The following GABRB3 variants were observed in gnomAD, a reference collection of about 807,000 sequenced individuals.
The protein encoded by GABRB3 is gamma-aminobutyric acid type A receptor subunit beta3.
In GABRB3, 14 loss-of-function variants were observed where a neutral mutation model predicts 52.1. The ratio of observed to expected loss-of-function variants is 0.27; its 90% confidence interval spans 0.18 to 0.42. GABRB3 has a LOEUF of 0.42. Among genes scored for constraint, GABRB3 ranks in the 10% least tolerant of loss-of-function variants. The probability of loss-of-function intolerance (pLI) is 1.00; values close to 1 mark genes in which losing one functional copy is unlikely to be tolerated. For missense variants in GABRB3, 307 were observed against 609.1 expected (o/e 0.50, Z 5.22); for synonymous variants, 260 against 232.3 (o/e 1.12, Z -1.08).
At position 26,772,743 on chromosome 15, in the gene GABRB3, A is replaced by G; in HGVS notation, c.110T>C (p.Val37Ala). The change falls in exon 2 of 9, where the codon GTG becomes GCG. Residue 37 changes from valine (V) to alanine (A), a missense_variant. Val to Ala is a moderately conservative substitution (Grantham distance 64). Coordinates refer to ENST00000311550, the MANE Select transcript of GABRB3 (RefSeq NM_000814.6). ...SVNDPGNMSFVKETVDKLLKG... is the reference protein window; with the variant it reads ...SVNDPGNMSFAKETVDKLLKG... ...CAACAGCTTGTCCACCGTCTCCTTC[A>G]CAAAGGACATGTTCCCGGGATCGTT... 3 of 1,572,474 alleles carry G rather than the reference A, an allele frequency of 1.9e-6. No homozygotes were observed. Among genetic ancestry groups the G allele is most frequent in the Non-Finnish European group, 2.6e-6 (3 of 1,158,704 alleles).
chr15:26,688,639 T>C (rs111793310), intron 3 of GABRB3, among the ~76,000 whole-genome samples: 3 of 152,202 alleles, frequency 2.0e-5, no homozygotes, highest in Non-Finnish European at 2.9e-5. Flanking sequence ...TATGTCCATC[T>C]GGAGTTCAAC....
At chr15:26,772,611 G>T (rs1295074673) in intron 2 of GABRB3, 70 bp downstream of exon 2, 2 of 1,435,638 alleles carry the variant, frequency 1.4e-6, no homozygotes, top group African/African-American at 1.5e-5. Flanking sequence ...TGCGGCCCCC[G>T]CCTCCCTCCG....
At chr15:26,633,145 C>T (rs1027124952) in intron 3 of GABRB3, among the ~76,000 whole-genome samples, 1 of 152,198 alleles carries the variant, frequency 6.6e-6, no homozygotes, top group Non-Finnish European at 1.5e-5. Context: ...CAAGTTTCAT[C>T]GTCTACTCAA....
chr15:26,745,173 G>A (rs895394932), intron 3 of GABRB3, among the ~76,000 whole-genome samples: 2 of 152,130 alleles, frequency 1.3e-5, no homozygotes, highest in Non-Finnish European at 2.9e-5. Context: ...GAGGGAATTC[G>A]TCCCCATGAC....
At chr15:26,676,643 T>C (rs2140640541) in intron 3 of GABRB3, among the ~76,000 whole-genome samples, 1 of 152,330 alleles carries the variant, frequency 6.6e-6, no homozygotes, top group African/African-American at 2.4e-5. Context: ...ATCTTAGATT[T>C]CAGTTTCTTA....
At chr15:26,661,486 G>A (rs1369817911) in intron 3 of GABRB3, among the ~76,000 whole-genome samples, 2 of 152,000 alleles carry the variant, frequency 1.3e-5, no homozygotes, top group Non-Finnish European at 2.9e-5. Context: ...ATGTCTACAC[G>A]AGGCATCCCT....
chr15:26,667,235 A>G (rs775385588), intron 3 of GABRB3, among the ~76,000 whole-genome samples: 5 of 152,222 alleles, frequency 3.3e-5, no homozygotes, highest in African/African-American at 9.6e-5. Context: ...AAAGTCTCCA[A>G]TGCCAGAGCC....
chr15:26,731,596 CAGG>C (rs1385730891), intron 3 of GABRB3, among the ~76,000 whole-genome samples: 1 of 152,100 alleles, frequency 6.6e-6, no homozygotes, highest in African/African-American at 2.4e-5. Flanking sequence ...TCAGCTCAAC[CAGG>C]AGATTAGAGT....
At chr15:26,570,386 C>A (rs553259515) in intron 6 of GABRB3, among the ~76,000 whole-genome samples, 1 of 152,220 alleles carries the variant, frequency 6.6e-6, no homozygotes, top group African/African-American at 2.4e-5. Context: ...GCACCATGCA[C>A]GGGGGCCAGA....
At chr15:26,563,687 A>G (rs1378845720) in intron 7 of GABRB3, among the ~76,000 whole-genome samples, 1 of 152,178 alleles carries the variant, frequency 6.6e-6, no homozygotes, top group African/African-American at 2.4e-5. Flanking sequence ...CAGAAAAATC[A>G]TTCTTCGGTA....
intron 6 of GABRB3, among the ~76,000 whole-genome samples, chr15:26,568,871 T>C (rs1567114780): frequency 6.6e-6 from 1 of 152,070 alleles, no homozygotes; most frequent in East Asian, 1.9e-4. Context: ...TTTGTTTCAA[T>C]AGGCCACTTT....
At chr15:26,643,926 G>A (rs1330216209) in intron 3 of GABRB3, among the ~76,000 whole-genome samples, 1 of 152,160 alleles carries the variant, frequency 6.6e-6, no homozygotes, top group African/African-American at 2.4e-5. Flanking sequence ...GTCTGCCTTA[G>A]TGGGGCTTCG....
In GABRB3 at chr15:26,719,367, G is replaced by A. The variant is rs915275051; in HGVS notation, c.240+53035C>T. The stretch of plus-strand genomic sequence containing the variant: ...GGTTGGCACCCTCTACAAATGGAAT[G>A]TGCTTGGTTTCAATTTCACACTTCA... On this transcript the variant is annotated intron_variant, in intron 3 of 8. Coordinates refer to ENST00000311550, the MANE Select transcript of GABRB3 (RefSeq NM_000814.6). Among the ~76,000 whole-genome samples the A allele has an allele frequency of 3.9e-5, 6 of 152,338 alleles. No individual in the cohort carries two copies. The East Asian group carries it at 9.6e-4, about 24-fold the overall frequency.
chr15:26,687,575 C>T (rs1407281561), intron 3 of GABRB3, among the ~76,000 whole-genome samples: 1 of 152,078 alleles, frequency 6.6e-6, no homozygotes, highest in Non-Finnish European at 1.5e-5. Flanking sequence ...TTCCCTCTCT[C>T]CCTTCCTTCC....
chr15:26,555,325 C>G (rs1889712093), intron 8 of GABRB3, among the ~76,000 whole-genome samples: 1 of 152,114 alleles, frequency 6.6e-6, no homozygotes. Context: ...AATGGGTCAT[C>G]ATGTAGGTGG....
intron 3 of GABRB3, among the ~76,000 whole-genome samples, chr15:26,642,190 C>T (rs1184403011): frequency 6.6e-6 from 1 of 152,272 alleles, no homozygotes; most frequent in Admixed American, 6.5e-5. Context: ...ACCAAGCCTT[C>T]CCCCCAGATT....
intron 8 of GABRB3, among the ~76,000 whole-genome samples, chr15:26,548,348 G>GT (rs1889338078): frequency 6.6e-6 from 1 of 152,178 alleles, no homozygotes; most frequent in African/African-American, 2.4e-5. Context: ...AAATGCTCAT[G>GT]TAAGAGATTA....
rs143592241 is a variant in GABRB3 at position 26,769,076 on chromosome 15, A to G, written c.240+3326T>C. 2.0e-3 allele frequency among the ~76,000 whole-genome samples: 303 copies of G among 152,340 alleles called. 1 individual carries two copies. Among genetic ancestry groups the G allele is most frequent in the African/African-American group, 6.4e-3 (266 of 41,588 alleles). On this transcript the variant is annotated intron_variant, in intron 3 of 8. Coordinates refer to ENST00000311550, the MANE Select transcript of GABRB3 (RefSeq NM_000814.6). ...CAGGCTACCAGTAGATAAGGACTGG[A>G]GTCTACAATTGTTTAAAGCAAAAAG... is the stretch of plus-strand genomic sequence containing the variant.
intron 3 of GABRB3, among the ~76,000 whole-genome samples, chr15:26,650,913 C>G (rs182356921): frequency 8.8e-4 from 134 of 152,220 alleles, no homozygotes; most frequent in African/African-American, 3.1e-3. Context: ...TGTCCCCTCT[C>G]CAGCTCCACT....
Sources: allele counts gnomAD v4.1 joint callset (sites outside exome capture counted in the v4.1 genomes callset), GRCh38; gene constraint gnomAD v4.1.1; transcripts MANE v1.5; gene names NCBI Gene and HGNC (gene_info 2026-07-23, HGNC 2026-07-21).